Variants in TMPRSS15 observed in about 807,000 individuals in gnomAD.
The protein encoded by TMPRSS15 is transmembrane serine protease 15.
TMPRSS15 carries 128 observed loss-of-function variants against 125.3 expected under a neutral mutation model. That is an observed-to-expected ratio of 1.02 (90% CI 0.89 to 1.18). The LOEUF (loss-of-function observed/expected upper bound fraction) is 1.18, where lower values mean the gene tolerates loss of function less well. TMPRSS15 is among the 50% of genes most tolerant of loss of function. The pLI is 0.00. For synonymous variants in TMPRSS15, 446 were observed against 423.2 expected (o/e 1.05, Z -0.66); for missense variants, 1,283 against 1,212.7 (o/e 1.06, Z -0.86).
At chr21:18,429,895 C>T (rs1437343033) in intron 1 of TMPRSS15, among the ~76,000 whole-genome samples, 2 of 152,176 alleles carry the variant, frequency 1.3e-5, no homozygotes, top group East Asian at 1.9e-4. Context: ...ATATATTTCA[C>T]ATCCATTAAG....
At chr21:18,453,628 G>C (rs951756364) in intron 1 of TMPRSS15, among the ~76,000 whole-genome samples, 1 of 152,152 alleles carries the variant, frequency 6.6e-6, no homozygotes, top group African/African-American at 2.4e-5. Flanking sequence ...ACTACTGTAT[G>C]ATTCAGCAAT....
intron 8 of TMPRSS15, 49 bp downstream of exon 8, chr21:18,359,708 C>G: frequency 1.1e-6 from 1 of 897,894 alleles, no homozygotes; most frequent in Non-Finnish European, 1.8e-6. Context: ...CAAAAATTTA[C>G]CCACATATTT....
chr21:18,287,169 C>T (rs1171678177), intron 21 of TMPRSS15, among the ~76,000 whole-genome samples: 1 of 152,164 alleles, frequency 6.6e-6, no homozygotes, highest in Non-Finnish European at 1.5e-5. Context: ...TTTTGTTGGT[C>T]TGTACAGCAC....
intron 10 of TMPRSS15, among the ~76,000 whole-genome samples, chr21:18,350,593 C>A (rs768172091): frequency 6.6e-6 from 1 of 152,014 alleles, no homozygotes; most frequent in African/African-American, 2.4e-5. Flanking sequence ...CAATTCCTTA[C>A]AGTTTTGATT....
chr21:18,399,040 TTTATCAGCA>T (rs1168813919), intron 1 of TMPRSS15, among the ~76,000 whole-genome samples: 1 of 152,140 alleles, frequency 6.6e-6, no homozygotes, highest in Non-Finnish European at 1.5e-5. Flanking sequence ...ACATAATCCC[TTTATCAGCA>T]TATTTTCATT....
At chr21:18,328,219 A>T (rs1333829749) in intron 15 of TMPRSS15, among the ~76,000 whole-genome samples, 2 of 152,176 alleles carry the variant, frequency 1.3e-5, no homozygotes, top group African/African-American at 4.8e-5. Flanking sequence ...TTCCTCTACA[A>T]GAGTACACTC....
chr21:18,322,207 G>T (rs1003200030), intron 16 of TMPRSS15, among the ~76,000 whole-genome samples: 1 of 152,106 alleles, frequency 6.6e-6, no homozygotes, highest in African/African-American at 2.4e-5. Context: ...TCTGAGACAG[G>T]AAATAAATGC....
intron 16 of TMPRSS15, among the ~76,000 whole-genome samples, chr21:18,326,147 T>G (rs1341147020): frequency 6.6e-6 from 1 of 152,162 alleles, no homozygotes. Flanking sequence ...ATCCTACTTT[T>G]AACATTTAAC....
chr21:18,483,446 CATG>C (rs1172539012), intron 1 of TMPRSS15, among the ~76,000 whole-genome samples: 6 of 151,740 alleles, frequency 4.0e-5, no homozygotes, highest in African/African-American at 1.5e-4. Flanking sequence ...TTTGCTACTC[CATG>C]ATATTTTTGA....
intron 4 of TMPRSS15, among the ~76,000 whole-genome samples, chr21:18,382,560 G>T (rs182349578): frequency 1.3e-5 from 2 of 152,252 alleles, no homozygotes; most frequent in African/African-American, 4.8e-5. Context: ...ATGTTTTTAT[G>T]TATTTGATTT....
At chr21:18,367,234 G>A (rs2075747186) in intron 6 of TMPRSS15, among the ~76,000 whole-genome samples, 1 of 152,106 alleles carries the variant, frequency 6.6e-6, no homozygotes, top group African/African-American at 2.4e-5. Context: ...ATCCGGCACA[G>A]ATCACAGGAA....
chr21:18,432,716 C>T (rs923877076), intron 1 of TMPRSS15, among the ~76,000 whole-genome samples: 2 of 152,094 alleles, frequency 1.3e-5, no homozygotes, highest in Admixed American at 6.5e-5. Context: ...GCCCGGCCCA[C>T]GTAGATTTTG....
chr21:18,408,638 T>G (rs75418776), upstream of TMPRSS15, among the ~76,000 whole-genome samples: 1,747 of 152,244 alleles, frequency 0.011, 40 homozygotes, highest in African/African-American at 0.038. Flanking sequence ...ATTGGCAAAT[T>G]CTTTGTATTT....
chr21:18,296,464 G>A (rs1387845564), intron 19 of TMPRSS15, among the ~76,000 whole-genome samples: 4 of 152,130 alleles, frequency 2.6e-5, no homozygotes, highest in African/African-American at 2.4e-5. Context: ...TGTGATGAAA[G>A]GTTAAAATAT....
intron 1 of TMPRSS15, among the ~76,000 whole-genome samples, chr21:18,428,737 T>C (rs1173581830): frequency 6.6e-6 from 1 of 152,152 alleles, no homozygotes; most frequent in Non-Finnish European, 1.5e-5. Context: ...TGGAAATACC[T>C]GGATGTCCAG....
intron 18 of TMPRSS15, among the ~76,000 whole-genome samples, chr21:18,304,820 C>A (rs2075012602): frequency 6.6e-6 from 1 of 151,910 alleles, no homozygotes; most frequent in African/African-American, 2.4e-5. Flanking sequence ...AATAAATTTC[C>A]TTTGTAGTTC....
intron 18 of TMPRSS15, among the ~76,000 whole-genome samples, chr21:18,304,608 A>T (rs990482991): frequency 6.6e-6 from 1 of 152,168 alleles, no homozygotes. Context: ...AATTATTAGC[A>T]ACATCTATAA....
intron 20 of TMPRSS15, 74 bp from the exon 21 acceptor site, chr21:18,294,518 AC>A (rs2074878792): frequency 6.2e-7 from 1 of 1,603,562 alleles, no homozygotes; most frequent in African/African-American, 1.3e-5. Context: ...TTGAGTGGTA[AC>A]AAAATAACTT....
At chr21:18,382,201 T>C (rs2075898996) in intron 4 of TMPRSS15, among the ~76,000 whole-genome samples, 1 of 152,122 alleles carries the variant, frequency 6.6e-6, no homozygotes, top group African/African-American at 2.4e-5. Flanking sequence ...GTCTTCTCCC[T>C]GATTGGGGGA....
Sources: gnomAD v4.1 joint callset for allele counts (sites outside exome capture counted in the v4.1 genomes callset) on GRCh38, gnomAD v4.1.1 for gene constraint, MANE v1.5 for transcripts, NCBI Gene and HGNC (gene_info 2026-07-23, HGNC 2026-07-21) for gene names.